The following KCTD3 variants were observed in gnomAD, a reference collection of about 807,000 sequenced individuals.
KCTD3 encodes the protein potassium channel tetramerization domain containing 3.
In KCTD3, 41 loss-of-function variants were observed where a neutral mutation model predicts 85.8. That is an observed-to-expected ratio of 0.48 (90% CI 0.37 to 0.62). The LOEUF is 0.62. KCTD3 is among the 20% of genes least tolerant of loss of function. The pLI is 0.00. For missense variants in KCTD3, 724 were observed against 989.9 expected (o/e 0.73, Z 3.60); for synonymous variants, 338 against 345.4 (o/e 0.98, Z 0.24).
In KCTD3 at chr1:215,614,018, G is replaced by GTTT. The variant is rs577770912; in HGVS notation, c.1562+2125_1562+2127dup. On this transcript the variant is annotated intron_variant, in intron 15 of 17. Coordinates refer to ENST00000259154, the MANE Select transcript of KCTD3 (RefSeq NM_016121.5). ...TTGGTTTCATAGGAACTTTAGAATA[G>GTTT]TTTTTTTTTTTTTTTTTTTTTTTTT... Among the ~76,000 whole-genome samples the GTTT allele has an allele frequency of 6.0e-4, 40 of 66,288 alleles. 5 individuals carry two copies. The highest frequency in any genetic ancestry group is 8.4e-4 in the Non-Finnish European group (28 of 33,504). 43.5% of individuals were successfully genotyped at this position (66,288 alleles called of 152,430 possible). A position where few individuals can be genotyped will look rare whatever the true frequency, so the allele number is the denominator to read the frequency against.
chr1:215,569,455 A>T (rs1479204958), intron 1 of KCTD3, among the ~76,000 whole-genome samples: 1 of 152,098 alleles, frequency 6.6e-6, no homozygotes, highest in Non-Finnish European at 1.5e-5. Flanking sequence ...ATTCACAAGG[A>T]CATACAGTAT....
chr1:215,619,148 C>T lies in KCTD3; in HGVS notation c.1748-5C>T, dbSNP rs1250099866. On this transcript the variant is annotated splice_polypyrimidine_tract_variant and splice_region_variant and intron_variant, in intron 16 of 17. Transcript: ENST00000259154. ...GTGATTTTAATGACTATTTGTTCTC[C>T]TAAGATGTAGGTGGTCCAACCGAAG... 1 of 1,612,876 alleles carries T rather than the reference C, an allele frequency of 6.2e-7. No individual in the cohort carries two copies. Among genetic ancestry groups the T allele is most frequent in the East Asian group, 2.2e-5 (1 of 44,874 alleles).
At chr1:215,572,639 G>T (rs1659410266) in intron 1 of KCTD3, among the ~76,000 whole-genome samples, 8 of 152,154 alleles carry the variant, frequency 5.3e-5, no homozygotes, top group Admixed American at 3.9e-4. Context: ...CCACGTTTTT[G>T]ATAATTCCAG....
chr1:215,619,633 ATTTAT>A (rs1655585532), intron 17 of KCTD3, among the ~76,000 whole-genome samples: 1 of 152,182 alleles, frequency 6.6e-6, no homozygotes, highest in East Asian at 1.9e-4. Context: ...CAGGGACAAT[ATTTAT>A]CTGTGGTTCT....
intron 7 of KCTD3, 23 bp downstream of exon 7, chr1:215,579,160 G>C (rs1325563646): frequency 1.3e-6 from 2 of 1,596,772 alleles, no homozygotes; most frequent in African/African-American, 2.7e-5. Context: ...TACAGAAATA[G>C]AAAAAGAAAA....
chr1:215,568,297 C>T (rs114366365), intron 1 of KCTD3, among the ~76,000 whole-genome samples: 3,012 of 151,990 alleles, frequency 0.02, 89 homozygotes, highest in African/African-American at 0.067. Context: ...TTTGCAGTAC[C>T]TAGTTATTTA....
intron 1 of KCTD3, 139 bp downstream of exon 1, chr1:215,567,907 G>A (rs1481196629): frequency 2.2e-5 from 11 of 502,380 alleles, no homozygotes; most frequent in Middle Eastern, 7.6e-4. Context: ...GCCTCCAGGC[G>A]GCAAGAACGT....
rs564198004 is a variant in KCTD3 at position 215,567,891 on chromosome 1, G to A, written c.83+123G>A. ...TGGGAGGCCAAGCCTGGAGGGGAAC[G>A]TGGGGGCCTCCAGGCGGCAAGAACG... On this transcript the variant is annotated intron_variant, in intron 1 of 17. Transcript: ENST00000259154. The A allele has an allele frequency of 1.5e-5, 9 of 592,308 alleles. No homozygotes were observed. The East Asian group carries it at 3.2e-4, about 21-fold the overall frequency. 36.7% of individuals were successfully genotyped at this position (592,308 alleles called of 1,614,324 possible). A position where few individuals can be genotyped will look rare whatever the true frequency, so the allele number is the denominator to read the frequency against.
chr1:215,618,672 C>A, intron 15 of KCTD3: 1 of 423,604 alleles, frequency 2.4e-6, no homozygotes, highest in Non-Finnish European at 4.1e-6. Context: ...GAGTATTATC[C>A]TAATGATGGA....
chr1:215,607,947 A>T lies in KCTD3; in HGVS notation c.1310-70A>T, dbSNP rs943007741. Reference sequence around the variant, plus strand: ...TACTCTGATCTGTGTAATATAGATGATAGTGAAAAAAGTTAAAATGAGTTT... The same window carrying T: ...TACTCTGATCTGTGTAATATAGATGTTAGTGAAAAAAGTTAAAATGAGTTT... On this transcript the variant is annotated intron_variant, in intron 13 of 17. Transcript: ENST00000259154. 13 of 1,242,594 alleles carry T rather than the reference A, an allele frequency of 1.0e-5. No individual in the cohort carries two copies. In the South Asian group the frequency reaches 1.9e-4, roughly 18 times the overall value. 77.0% of individuals were successfully genotyped at this position (1,242,594 alleles called of 1,614,324 possible).
Position 215,620,713 on chromosome 1 carries a change from A to G in KCTD3, c.*95A>G. 1 of 826,330 alleles carries G rather than the reference A, an allele frequency of 1.2e-6. No homozygotes were observed. The highest frequency in any genetic ancestry group is 1.9e-6 in the Non-Finnish European group (1 of 540,266). 51.2% of individuals were successfully genotyped at this position (826,330 alleles called of 1,614,324 possible). On this transcript the variant is annotated 3_prime_UTR_variant, in exon 18 of 18. Transcript: ENST00000259154. ...ATTAGTTTTTACACTAAAACTTTAC[A>G]AGATAAAATTGGACTTCATTTAGTA...
intron 9 of KCTD3, among the ~76,000 whole-genome samples, chr1:215,591,333 T>TCCTC (rs1660205254): frequency 1.3e-5 from 2 of 149,126 alleles, no homozygotes; most frequent in African/African-American, 5.0e-5. Flanking sequence ...CTTCCTTCCT[T>TCCTC]CCTTCCTTCC....
intron 10 of KCTD3, among the ~76,000 whole-genome samples, chr1:215,600,176 A>T (rs1196991704): frequency 6.6e-6 from 1 of 152,226 alleles, no homozygotes; most frequent in Non-Finnish European, 1.5e-5. Context: ...GCCTGACCTC[A>T]GGATAGGGCA....
intron 1 of KCTD3, among the ~76,000 whole-genome samples, chr1:215,569,359 TG>T (rs1329561839): frequency 5.5e-4 from 84 of 152,210 alleles, no homozygotes; most frequent in African/African-American, 2.0e-3. Flanking sequence ...GACCTCGTGA[TG>T]CTCCCGCCTC....
chr1:215,595,646 TA>T (rs1350553074), intron 10 of KCTD3, among the ~76,000 whole-genome samples, 175 bp downstream of exon 10: 2 of 152,224 alleles, frequency 1.3e-5, no homozygotes, highest in African/African-American at 4.8e-5. Flanking sequence ...TTCAAGAGTT[TA>T]AGTTACTTTG....
Position 215,601,769 on chromosome 1 carries a change from T to C in KCTD3, c.934-98T>C. ...AGCCCTACTAAAATTGGATATTGGT[T>C]GCCTCTTTACCAGAAGAATCAAAGT... On this transcript the variant is annotated intron_variant, in intron 10 of 17. Coordinates refer to ENST00000259154, the MANE Select transcript of KCTD3 (RefSeq NM_016121.5). 4.3e-6 allele frequency: 3 copies of C among 695,000 alleles called. No homozygotes were observed. The East Asian group carries it at 8.0e-5, about 19-fold the overall frequency. 43.1% of individuals were successfully genotyped at this position (695,000 alleles called of 1,614,324 possible). A position where few individuals can be genotyped will look rare whatever the true frequency, so the allele number is the denominator to read the frequency against.
chr1:215,593,056 A>G (rs757326625), intron 9 of KCTD3, among the ~76,000 whole-genome samples: 1 of 152,196 alleles, frequency 6.6e-6, no homozygotes, highest in Non-Finnish European at 1.5e-5. Flanking sequence ...TGCCTTTCAC[A>G]TAGCCCATAA....
intron 9 of KCTD3, among the ~76,000 whole-genome samples, chr1:215,590,085 T>G (rs1041497736): frequency 5.9e-5 from 9 of 152,202 alleles, no homozygotes; most frequent in African/African-American, 1.4e-4. Flanking sequence ...CACATCCTAA[T>G]CAACACTTTG....
chr1:215,587,596 T>G (rs1414185749), intron 9 of KCTD3, among the ~76,000 whole-genome samples: 1 of 152,246 alleles, frequency 6.6e-6, no homozygotes, highest in African/African-American at 2.4e-5. Context: ...GTTTACAGTT[T>G]TGTAAATCTC....
Sources: allele counts gnomAD v4.1 joint callset (sites outside exome capture counted in the v4.1 genomes callset), GRCh38; gene constraint gnomAD v4.1.1; transcripts MANE v1.5; gene names NCBI Gene and HGNC (gene_info 2026-07-23, HGNC 2026-07-21).